NDOR1: variants seen among roughly 807,000 people sequenced by gnomAD.
NDOR1 encodes NADPH dependent diflavin oxidoreductase 1.
NDOR1 carries 61 observed loss-of-function variants against 67.2 expected under a neutral mutation model. The ratio of observed to expected loss-of-function variants is 0.91; its 90% CI spans 0.74 to 1.12. The LOEUF (loss-of-function observed/expected upper bound fraction) is 1.12, where lower values mean the gene tolerates loss of function less well. NDOR1 is among the 50% of genes most tolerant of loss of function. The probability of loss-of-function intolerance (pLI) is 0.00; values close to 1 mark genes in which losing one functional copy is unlikely to be tolerated. For synonymous variants in NDOR1, 378 were observed against 343.7 expected (o/e 1.10, Z -1.10); for missense variants, 878 against 802.8 (o/e 1.09, Z -1.13).
rs751952473 is a variant in NDOR1, at chr9:137,215,928, C to T, written c.1465C>T (p.Arg489Trp). 83 of 1,613,522 alleles carry T rather than the reference C, an allele frequency of 5.1e-5. No homozygotes were observed. The highest frequency in any genetic ancestry group is 6.4e-5 in the Non-Finnish European group (76 of 1,180,018). ...GNFLFFGCRWRDQDFYWEAEW... is the reference protein window; with the variant it reads ...GNFLFFGCRWWDQDFYWEAEW... The stretch of plus-strand genomic sequence containing the variant: ...CTTCTTGTTTTTTGGCTGCCGCTGG[C>T]GGGACCAAGACTTCTACTGGGAGGC... The change falls in exon 12 of 14, where the codon CGG becomes TGG. Residue 489 changes from arginine to tryptophan, a missense_variant. Arg to Trp is a moderately radical substitution (Grantham distance 101, BLOSUM62 -3). Coordinates refer to ENST00000684003, the MANE Select transcript of NDOR1 (RefSeq NM_014434.4).
At position 137,215,976 on chromosome 9, in the gene NDOR1, C is replaced by T. The variant is rs201283083; in HGVS notation, c.1513C>T (p.Arg505Trp). ...GGCTGAGTGGCAGGAGCTGGAGAAGCGGGACTGTCTGACCCTCATCCCTGC... is the reference window on the plus strand; with the variant it reads ...GGCTGAGTGGCAGGAGCTGGAGAAGTGGGACTGTCTGACCCTCATCCCTGC... ...WEAEWQELEK[R>W]DCLTLIPAFS... Residue 505 changes from arginine (R) to tryptophan (W), a missense_variant, in exon 12 of 14, where the codon CGG (arginine) becomes TGG (tryptophan). Transcript: ENST00000684003. 30 of 1,613,242 alleles carry T rather than the reference C, an allele frequency of 1.9e-5. No individual in the cohort carries two copies. In the South Asian group the frequency reaches 2.3e-4, roughly 12 times the overall value.
In NDOR1 at chr9:137,217,189, C is replaced by T. The variant is rs377237624; in HGVS notation, c.*773C>T. ...CTGGGTGCTGGATGGGTGGGCGCCA[C>T]GGTGCACCCTTGTTGGGCTGCCTGT... On this transcript the variant is annotated 3_prime_UTR_variant, in exon 14 of 14. Transcript: ENST00000684003. Among the ~76,000 whole-genome samples the T allele has an allele frequency of 2.0e-5, 3 of 152,034 alleles. No individual in the cohort carries two copies. Among genetic ancestry groups the T allele is most frequent in the Non-Finnish European group, 2.9e-5 (2 of 68,012 alleles).
chr9:137,208,304 A>G (rs541106175), intron 2 of NDOR1, among the ~76,000 whole-genome samples: 1 of 148,872 alleles, frequency 6.7e-6, no homozygotes, highest in Admixed American at 6.7e-5. Flanking sequence ...ACAAAAAACT[A>G]GCCGGATGTG....
intron 2 of NDOR1, among the ~76,000 whole-genome samples, chr9:137,208,483 C>CA (rs918091354): frequency 3.6e-4 from 53 of 145,612 alleles, no homozygotes; most frequent in South Asian, 1.1e-3. Context: ...ACAAAACAAA[C>CA]AAACAAAAAA....
chr9:137,211,547 A>G (rs926050957), intron 2 of NDOR1, among the ~76,000 whole-genome samples: 4 of 152,152 alleles, frequency 2.6e-5, no homozygotes, highest in African/African-American at 7.2e-5. Context: ...GGAAGGAGGA[A>G]GTTCACCAAA....
At chr9:137,213,674 C>T in intron 3 of NDOR1, 106 bp from the exon 4 acceptor site, 2 of 1,167,624 alleles carry the variant, frequency 1.7e-6, no homozygotes, top group East Asian at 5.1e-5. Context: ...GAGGCCCTCC[C>T]CAGGCTCCAC....
chr9:137,215,486 G>T lies in NDOR1; in HGVS notation c.1253G>T (p.Cys418Phe). Residue 418 changes from cysteine to phenylalanine, a missense_variant, in exon 10 of 14, where the codon TGC becomes TTC. Transcript: ENST00000684003. ...CTCAAGGAGCCCCGCCGGGGCCTCT[G>T]CTCCTCCTGGCTGGCATCCCTGGAC... ...TRLKEPRRGL[C>F]SSWLASLDPG... is the part of the protein sequence containing the mutation. 5 of 1,613,372 alleles carry T rather than the reference G, an allele frequency of 3.1e-6. No homozygotes were observed. The Middle Eastern group carries it at 4.9e-4, about 160-fold the overall frequency.
chr9:137,205,963 C>T (rs1834942046), intron 1 of NDOR1, 51 bp downstream of exon 1: 1 of 1,517,218 alleles, frequency 6.6e-7, no homozygotes, highest in Non-Finnish European at 8.8e-7. Flanking sequence ...CCTGGCGTGC[C>T]CGCCTCGCGG....
intron 2 of NDOR1, among the ~76,000 whole-genome samples, chr9:137,208,484 A>C (rs1006058490): frequency 6.7e-6 from 1 of 150,084 alleles, no homozygotes; most frequent in Non-Finnish European, 1.5e-5. Flanking sequence ...CAAAACAAAC[A>C]AACAAAAAAC....
At chr9:137,215,846 T>C (rs1564401461) in intron 11 of NDOR1, 41 bp downstream of exon 11, 1 of 1,609,010 alleles carries the variant, frequency 6.2e-7, no homozygotes, top group East Asian at 2.2e-5. Flanking sequence ...TTGCCAGGGC[T>C]CCCCAGCTGA....
chr9:137,207,607 C>CT lies in NDOR1; in HGVS notation c.213+1299dup, dbSNP rs573234926. 2.6e-3 allele frequency among the ~76,000 whole-genome samples: 398 copies of CT among 152,214 alleles called. 1 individual carries two copies. Among genetic ancestry groups the CT allele is most frequent in the Non-Finnish European group, 4.6e-3 (315 of 68,016 alleles). On this transcript the variant is annotated intron_variant, in intron 2 of 13. Coordinates refer to ENST00000684003, the MANE Select transcript of NDOR1 (RefSeq NM_014434.4). ...GGAGGGCAGGAGAGTGACCAAGCAGCTAGAAGAGAGGGTGCAGCACCCCAA... is the reference window on the plus strand; with the variant it reads ...GGAGGGCAGGAGAGTGACCAAGCAGCTTAGAAGAGAGGGTGCAGCACCCCAA...
chr9:137,214,084 G>A lies in NDOR1; in HGVS notation c.512+16G>A, dbSNP rs1425218957. 8 of 1,534,714 alleles carry A rather than the reference G, an allele frequency of 5.2e-6. No homozygotes were observed. In the African/African-American group the frequency reaches 5.5e-5, roughly 11 times the overall value. On this transcript the variant is annotated intron_variant, in intron 5 of 13. Transcript: ENST00000684003. ...CCGGAGTCCCGTGAGTGTGGGCCCCGGGTCACCCACAGGCGCAGCAGACCC... is the reference window on the plus strand; with the variant it reads ...CCGGAGTCCCGTGAGTGTGGGCCCCAGGTCACCCACAGGCGCAGCAGACCC...
Position 137,218,406 on chromosome 9 carries a change from G to C in NDOR1, c.*1990G>C. 2.5e-6 allele frequency: 1 copy of C among 398,248 alleles called. No individual in the cohort carries two copies. The highest frequency in any genetic ancestry group is 4.4e-6 in the Non-Finnish European group (1 of 226,022). 24.7% of individuals were successfully genotyped at this position (398,248 alleles called of 1,614,324 possible). On this transcript the variant is annotated 3_prime_UTR_variant, in exon 14 of 14. Coordinates refer to ENST00000684003, the MANE Select transcript of NDOR1 (RefSeq NM_014434.4). Reference sequence around the variant, plus strand: ...TTCCTGGCAGGGCCCGTGGGCGGCCGGGGCTGCCTGCCCTTCCTGCCCTGT... The same window carrying C: ...TTCCTGGCAGGGCCCGTGGGCGGCCCGGGCTGCCTGCCCTTCCTGCCCTGT...
At chr9:137,215,314 G>A (rs1835503607) in intron 9 of NDOR1, 93 bp from the exon 10 acceptor site, 12 of 1,537,960 alleles carry the variant, frequency 7.8e-6, no homozygotes, top group East Asian at 4.5e-5. Context: ...TCCCCCAGTC[G>A]GACTGCCTCT....
chr9:137,215,985 C>CT lies in NDOR1; in HGVS notation c.1523dup (p.Thr509AspfsTer143). 1.9e-6 allele frequency: 3 copies of CT among 1,613,380 alleles called. No homozygotes were observed. The highest frequency in any genetic ancestry group is 1.3e-5 in the African/African-American group (1 of 75,062). ...GCAGGAGCTGGAGAAGCGGGACTGT[C>CT]TGACCCTCATCCCTGCCTTCTCCCG... On this transcript the variant is annotated frameshift_variant, in exon 12 of 14. Transcript: ENST00000684003. LOFTEE classifies it high-confidence loss of function.
At chr9:137,214,137 T>A (rs1835404032) in intron 5 of NDOR1, 67 bp from the exon 6 acceptor site, 1 of 1,537,592 alleles carries the variant, frequency 6.5e-7, no homozygotes, top group Admixed American at 1.9e-5. Context: ...TCGCCCTGGG[T>A]CCCTCCCGTG....
At position 137,214,295 on chromosome 9, in the gene NDOR1, C is replaced by G; in HGVS notation, c.604C>G (p.Pro202Ala). 1 of 1,613,928 alleles carries G rather than the reference C, an allele frequency of 6.2e-7. No homozygotes were observed. Among genetic ancestry groups the G allele is most frequent in the Non-Finnish European group, 8.5e-7 (1 of 1,180,032 alleles). ...GGTAGCTCACCCCGGCTCTCAGGAG[C>G]CCCCGTCAGAGTCGAAGCCCTTCCT... ...QRVAHPGSQE[P>A]PSESKPFLAP... The change falls in exon 6 of 14, where the codon CCC (proline) becomes GCC (alanine). Residue 202 changes from proline to alanine, a missense_variant. By Grantham distance (27) the Pro-to-Ala change is conservative. Transcript: ENST00000684003.
In NDOR1 at chr9:137,215,934, C is replaced by T. The variant is rs1452585139; in HGVS notation, c.1471C>T (p.Gln491Ter). 1.2e-6 allele frequency: 2 copies of T among 1,613,686 alleles called. No homozygotes were observed. The highest frequency in any genetic ancestry group is 2.2e-5 in the South Asian group (2 of 91,086). Residue 491 changes from glutamine to a stop codon, truncating the protein, a stop_gained, in exon 12 of 14, where the codon CAA becomes TAA. Transcript: ENST00000684003. LOFTEE classifies it high-confidence loss of function. ...GTTTTTTGGCTGCCGCTGGCGGGAC[C>T]AAGACTTCTACTGGGAGGCTGAGTG... ...FLFFGCRWRD[Q>*]DFYWEAEWQE...
chr9:137,216,085 G>C lies in NDOR1; in HGVS notation c.1555-9G>C. On this transcript the variant is annotated splice_polypyrimidine_tract_variant and intron_variant, in intron 12 of 13. Transcript: ENST00000684003. ...GGCTCAGCCCCCAGCCCTGTTCTCT[G>C]CCCTACAGGAGCAGAAAGTATATGT... is the stretch of plus-strand genomic sequence containing the variant. 1 of 1,613,468 alleles carries C rather than the reference G, an allele frequency of 6.2e-7. No individual in the cohort carries two copies. Among genetic ancestry groups the C allele is most frequent in the Non-Finnish European group, 8.5e-7 (1 of 1,179,990 alleles).
Sources: gnomAD v4.1 joint callset for allele counts (sites outside exome capture counted in the v4.1 genomes callset) on GRCh38, gnomAD v4.1.1 for gene constraint, MANE v1.5 for transcripts, NCBI Gene and HGNC (gene_info 2026-07-23, HGNC 2026-07-21) for gene names.